Variants in PIBF1 observed in about 807,000 individuals in gnomAD.
PIBF1 encodes progesterone immunomodulatory binding factor 1.
Under a neutral mutation model 112.5 loss-of-function variants are expected in PIBF1, and 90 were observed. The observed-to-expected ratio is 0.80, with a 90% CI of 0.67 to 0.95. PIBF1 has a LOEUF of 0.95. Ranked by LOEUF, PIBF1 falls within the 40% of genes least tolerant of loss-of-function variation. The pLI is 0.00. For missense variants in PIBF1, 915 were observed against 852.3 expected (o/e 1.07, Z -0.92); for synonymous variants, 301 against 288.6 (o/e 1.04, Z -0.44).
intron 5 of PIBF1, among the ~76,000 whole-genome samples, chr13:72,807,161 A>G (rs1414596055): frequency 7.0e-6 from 1 of 143,562 alleles, no homozygotes; most frequent in Non-Finnish European, 1.5e-5. Context: ...TCTCTTTAGT[A>G]GGTGAAGGAT....
intron 15 of PIBF1, among the ~76,000 whole-genome samples, chr13:72,967,229 C>G (rs566746401): frequency 2.0e-5 from 3 of 151,996 alleles, no homozygotes; most frequent in African/African-American, 7.2e-5. Context: ...ACACCATGCC[C>G]GGCCTTAAAA....
At chr13:72,985,035 A>G (rs910105176) in intron 16 of PIBF1, among the ~76,000 whole-genome samples, 5 of 152,130 alleles carry the variant, frequency 3.3e-5, no homozygotes, top group Non-Finnish European at 5.9e-5. Flanking sequence ...TTAAAAGTAC[A>G]TTTCTCTGAC....
At chr13:72,797,109 G>C (rs981259842) in intron 4 of PIBF1, among the ~76,000 whole-genome samples, 1 of 152,138 alleles carries the variant, frequency 6.6e-6, no homozygotes, top group Admixed American at 6.5e-5. Flanking sequence ...AGTGGAAAGA[G>C]AGACCTGAAC....
chr13:73,000,629 A>C (rs887891834), intron 17 of PIBF1, among the ~76,000 whole-genome samples: 7 of 152,224 alleles, frequency 4.6e-5, no homozygotes, highest in South Asian at 2.1e-4. Context: ...AAATAGGGTC[A>C]GATGAAAACC....
chr13:73,013,126 C>A, intron 17 of PIBF1, among the ~76,000 whole-genome samples: 2 of 151,182 alleles, frequency 1.3e-5, no homozygotes, highest in African/African-American at 4.9e-5. Context: ...ACGGTGAAAC[C>A]CCGTCTCTAC....
chr13:72,922,269 C>T (rs2041324907), intron 13 of PIBF1, among the ~76,000 whole-genome samples: 1 of 152,150 alleles, frequency 6.6e-6, no homozygotes, highest in Admixed American at 6.6e-5. Context: ...TGAGTCACCA[C>T]ACCCAGCCTA....
chr13:72,957,589 C>T (rs1011064767), intron 14 of PIBF1, among the ~76,000 whole-genome samples: 5 of 151,886 alleles, frequency 3.3e-5, no homozygotes, highest in Non-Finnish European at 7.4e-5. Context: ...ATGGGTGCAC[C>T]GAAATCTCAG....
At chr13:72,872,292 C>G (rs1398921989) in intron 10 of PIBF1, among the ~76,000 whole-genome samples, 1 of 152,100 alleles carries the variant, frequency 6.6e-6, no homozygotes, top group African/African-American at 2.4e-5. Context: ...GCAGAATTTT[C>G]TGGGTAGTTT....
chr13:72,937,962 C>A (rs961017001), intron 14 of PIBF1, among the ~76,000 whole-genome samples: 1 of 152,104 alleles, frequency 6.6e-6, no homozygotes, highest in South Asian at 2.1e-4. Context: ...GTTATCTATT[C>A]CTTCTGGTTG....
In PIBF1 at chr13:72,854,087, G is replaced by A. The variant is rs200333064; in HGVS notation, c.1254G>A (p.Val418=). The A allele has an allele frequency of 8.2e-4, 1,322 of 1,613,058 alleles. 1 individual carries two copies. The highest frequency in any genetic ancestry group is 1.0e-3 in the Non-Finnish European group (1,186 of 1,179,298). ...TCCGAGAAGCAAGGGATAATGCTGT[G>A]GCTGAAAAGGAACGAGCAGTGATGG... The part of the protein sequence containing the change: ...RNLREARDNA[V]AEKERAVMAE... Residue 418 remains valine (V), a synonymous_variant, in exon 10 of 18, where the codon GTG becomes GTA. Transcript: ENST00000326291.
intron 5 of PIBF1, among the ~76,000 whole-genome samples, chr13:72,818,885 A>C (rs1481262899): frequency 6.6e-6 from 1 of 151,930 alleles, no homozygotes; most frequent in African/African-American, 2.4e-5. Context: ...TATTATTTCT[A>C]GTTCTCTCAT....
At chr13:73,015,701 A>T (rs1338435996) in intron 17 of PIBF1, among the ~76,000 whole-genome samples, 168 bp from the exon 18 acceptor site, 1 of 152,222 alleles carries the variant, frequency 6.6e-6, no homozygotes, top group Non-Finnish European at 1.5e-5. Context: ...GAGATTATTT[A>T]TGGCAAAAGA....
chr13:72,879,409 T>G (rs531302998), intron 10 of PIBF1, among the ~76,000 whole-genome samples: 32 of 147,600 alleles, frequency 2.2e-4, no homozygotes, highest in African/African-American at 7.5e-4. Context: ...GAAAGAAAAT[T>G]AGAATATAAG....
chr13:73,013,023 C>T (rs1206722422), intron 17 of PIBF1, among the ~76,000 whole-genome samples: 2 of 151,398 alleles, frequency 1.3e-5, no homozygotes, highest in Admixed American at 6.6e-5. Flanking sequence ...TTAGAAGGGC[C>T]GGGCGCGGTG....
intron 9 of PIBF1, among the ~76,000 whole-genome samples, chr13:72,841,628 G>A (rs540875550): frequency 1.5e-3 from 222 of 152,162 alleles, no homozygotes; most frequent in Non-Finnish European, 2.8e-3. Flanking sequence ...AAAAAAATTA[G>A]CCAGGCGTGG....
intron 2 of PIBF1, 135 bp from the exon 3 acceptor site, chr13:72,792,312 C>T (rs951421484): frequency 8.4e-6 from 5 of 592,762 alleles, no homozygotes; most frequent in Non-Finnish European, 1.2e-5. Context: ...GAATTATAGG[C>T]GTGAGCCCCT....
intron 10 of PIBF1, among the ~76,000 whole-genome samples, chr13:72,856,695 T>C (rs547110535): frequency 2.6e-5 from 4 of 152,152 alleles, no homozygotes; most frequent in Non-Finnish European, 5.9e-5. Context: ...TTTTAAGATA[T>C]AATATCAATA....
intron 9 of PIBF1, among the ~76,000 whole-genome samples, chr13:72,845,249 C>T (rs2037817479): frequency 2.0e-5 from 3 of 151,096 alleles, no homozygotes; most frequent in African/African-American, 7.3e-5. Context: ...GTTTGGTTTT[C>T]TGTTCCTGTG....
intron 17 of PIBF1, among the ~76,000 whole-genome samples, chr13:73,004,438 C>T (rs2043966657): frequency 6.6e-6 from 1 of 151,048 alleles, no homozygotes; most frequent in Non-Finnish European, 1.5e-5. Flanking sequence ...TTGCATTGAG[C>T]CGAGATTGTG....
Sources: gnomAD v4.1 joint callset for allele counts (sites outside exome capture counted in the v4.1 genomes callset) on GRCh38, gnomAD v4.1.1 for gene constraint, MANE v1.5 for transcripts, NCBI Gene and HGNC (gene_info 2026-07-23, HGNC 2026-07-21) for gene names.